Variants in USP47 observed in about 807,000 individuals in gnomAD.
The protein encoded by USP47 is ubiquitin carboxyl-terminal hydrolase 47.
Under a neutral mutation model 165.1 loss-of-function variants are expected in USP47, and 35 were observed. The ratio of observed to expected loss-of-function variants is 0.21; its 90% CI spans 0.16 to 0.28. The LOEUF (loss-of-function observed/expected upper bound fraction) is 0.28. USP47 is among the 10% of genes least tolerant of loss of function. The probability of loss-of-function intolerance (pLI) is 1.00; values close to 1 mark genes in which losing one functional copy is unlikely to be tolerated. For missense variants in USP47, 1,277 were observed against 1,607.4 expected, an observed-to-expected ratio of 0.79 and a Z score of 3.52; for synonymous variants, 531 against 544.5, an observed-to-expected ratio of 0.98 and a Z score of 0.35.
At position 11,956,290 on chromosome 11, in the gene USP47, A is replaced by C. The variant is rs1024918197; in HGVS notation, c.*115A>C. 1.2e-5 allele frequency: 13 copies of C among 1,067,976 alleles called. No individual in the cohort carries two copies. The African/African-American group carries it at 1.9e-4, about 16-fold the overall frequency. 66.2% of individuals were successfully genotyped at this position (1,067,976 alleles called of 1,614,324 possible). ...GTTGGGGTAACCCAGTGACACCAGC[A>C]CTGATTGGACTGCCCTACACCAATC... On this transcript the variant is annotated 3_prime_UTR_variant, in exon 28 of 28. Coordinates refer to ENST00000527733, the MANE Select transcript of USP47 (RefSeq NM_001282659.2).
chr11:11,842,926 G>A (rs1393234214), intron 1 of USP47, among the ~76,000 whole-genome samples: 1 of 149,644 alleles, frequency 6.7e-6, no homozygotes, highest in Non-Finnish European at 1.5e-5. Flanking sequence ...GATACGAGAA[G>A]CCTTGACTAC....
intron 24 of USP47, chr11:11,951,460 A>G (rs747846610): frequency 2.6e-5 from 4 of 152,156 alleles, no homozygotes; most frequent in Admixed American, 6.6e-5. Context: ...TTCGTTATCA[A>G]CATTGGCACA....
chr11:11,933,753 A>C, intron 15 of USP47, 78 bp from the exon 16 acceptor site: 1 of 992,716 alleles, frequency 1.0e-6, no homozygotes, highest in East Asian at 2.5e-5. Context: ...GTATTTTGAC[A>C]ATTAGGAATA....
At chr11:11,947,631 A>G (rs1362688465) in intron 20 of USP47, among the ~76,000 whole-genome samples, 3 of 152,220 alleles carry the variant, frequency 2.0e-5, no homozygotes, top group South Asian at 4.1e-4. Flanking sequence ...CAGAGCTTAC[A>G]CTATTACTGT....
At chr11:11,932,202 A>G (rs1045079459) in intron 14 of USP47, among the ~76,000 whole-genome samples, 1 of 152,132 alleles carries the variant, frequency 6.6e-6, no homozygotes, top group Non-Finnish European at 1.5e-5. Flanking sequence ...GGGGTGCCAC[A>G]CACTTTTAAA....
At chr11:11,869,467 C>G (rs1016273798) in intron 1 of USP47, among the ~76,000 whole-genome samples, 1 of 150,154 alleles carries the variant, frequency 6.7e-6, no homozygotes, top group Non-Finnish European at 1.5e-5. Flanking sequence ...ATCTATTTAT[C>G]TCTCTACAAA....
At chr11:11,925,319 A>G (rs1854157172) in intron 11 of USP47, among the ~76,000 whole-genome samples, 1 of 152,046 alleles carries the variant, frequency 6.6e-6, no homozygotes, top group African/African-American at 2.4e-5. Context: ...CATGTTAGCC[A>G]TGATGGTCTT....
At chr11:11,853,097 AT>A (rs202004869) in intron 1 of USP47, among the ~76,000 whole-genome samples, 3 of 149,406 alleles carry the variant, frequency 2.0e-5, no homozygotes, top group Admixed American at 6.7e-5. Context: ...AGATACTGTA[AT>A]TTTTTTTTTG....
rs374712169 is a variant in USP47, at chr11:11,950,476, C to A, written c.3577C>A (p.Leu1193Ile). The change falls in exon 24 of 28, where the codon CTT (leucine) becomes ATT (isoleucine). Residue 1193 changes from leucine (L) to isoleucine (I), a missense_variant. Around this residue, in one of 4 missense-constraint regions of USP47, gnomAD observed 909 missense variants for 1,068.1 expected, o/e 0.85. Coordinates refer to ENST00000527733, the MANE Select transcript of USP47 (RefSeq NM_001282659.2). Reference sequence around the variant, plus strand: ...CAACTGGGAGGTTTTCCTTGAAGTTCTTGATGGTATTTTCAATATTTTTGG... The same window carrying A: ...CAACTGGGAGGTTTTCCTTGAAGTTATTGATGGTATTTTCAATATTTTTGG... ...SSNWEVFLEV[L>I]DGVEKMKSMS... The A allele has an allele frequency of 6.3e-7, 1 of 1,592,626 alleles. No homozygotes were observed. Among genetic ancestry groups the A allele is most frequent in the South Asian group, 1.1e-5 (1 of 88,208 alleles).
intron 1 of USP47, among the ~76,000 whole-genome samples, chr11:11,864,951 C>T (rs1234468441): frequency 6.6e-6 from 1 of 152,074 alleles, no homozygotes; most frequent in Non-Finnish European, 1.5e-5. Context: ...GCTCTTCTTT[C>T]AGCCCTTGAA....
rs542613698 is a variant in USP47 at position 11,959,522 on chromosome 11, A to G, written c.*3347A>G. 2.9e-3 allele frequency among the ~76,000 whole-genome samples: 440 copies of G among 152,278 alleles called. 3 individuals carry two copies. Among genetic ancestry groups the G allele is most frequent in the Middle Eastern group, 0.01 (3 of 294 alleles). ...TGGCCACCTAGGTTTAGTGTACATGAAATTGGAAGATGCTTCTTGATTGTA... is the reference window on the plus strand; with the variant it reads ...TGGCCACCTAGGTTTAGTGTACATGGAATTGGAAGATGCTTCTTGATTGTA... On this transcript the variant is annotated 3_prime_UTR_variant, in exon 28 of 28. Coordinates refer to ENST00000527733, the MANE Select transcript of USP47 (RefSeq NM_001282659.2).
chr11:11,954,962 T>C lies in USP47; in HGVS notation c.3762+18T>C. On this transcript the variant is annotated intron_variant, in intron 26 of 27. Coordinates refer to ENST00000527733, the MANE Select transcript of USP47 (RefSeq NM_001282659.2). ...TTGCTAAGGTAAAGCCCTGAGAATGTTGCATCTGTGTATTGTGCATGATAA... is the reference window on the plus strand; with the variant it reads ...TTGCTAAGGTAAAGCCCTGAGAATGCTGCATCTGTGTATTGTGCATGATAA... The C allele has an allele frequency of 1.2e-6, 2 of 1,613,926 alleles. No homozygotes were observed. The highest frequency in any genetic ancestry group is 8.5e-7 in the Non-Finnish European group (1 of 1,179,952).
At chr11:11,867,556 T>C (rs549104847) in intron 1 of USP47, among the ~76,000 whole-genome samples, 2 of 152,318 alleles carry the variant, frequency 1.3e-5, no homozygotes, top group African/African-American at 4.8e-5. Flanking sequence ...AGACTCAATT[T>C]TGAACCACTT....
At chr11:11,943,179 T>A in intron 20 of USP47, 67 bp downstream of exon 20, 3 of 1,508,496 alleles carry the variant, frequency 2.0e-6, no homozygotes, top group Non-Finnish European at 2.7e-6. Context: ...TATTTAAATT[T>A]TCAGTTAAGT....
chr11:11,889,961 C>CT (rs1851408304), intron 3 of USP47, among the ~76,000 whole-genome samples: 1 of 152,132 alleles, frequency 6.6e-6, no homozygotes, highest in African/African-American at 2.4e-5. Context: ...AAAGGATTCT[C>CT]TATTTAATAA....
rs1229407042 is a variant in USP47, at chr11:11,880,401, T to C, written c.243+21T>C. The C allele has an allele frequency of 3.9e-6, 5 of 1,270,346 alleles. No homozygotes were observed. In the Admixed American group the frequency reaches 2.0e-4, roughly 51 times the overall value. 78.7% of individuals were successfully genotyped at this position (1,270,346 alleles called of 1,614,324 possible). ...ATATGGTAAAATCCTAGACTTAAGC[T>C]TCTAAAAATGTTATTATAGCCATTG... On this transcript the variant is annotated intron_variant, in intron 2 of 27. Coordinates refer to ENST00000527733, the MANE Select transcript of USP47 (RefSeq NM_001282659.2).
chr11:11,942,315 A>C lies in USP47; in HGVS notation c.2314-20A>C. ...TGTCACTAAAATTAATATATAATAA[A>C]ACTCTGACTTACTATGTAGGTGTTT... On this transcript the variant is annotated intron_variant, in intron 19 of 27. Transcript: ENST00000527733. The C allele has an allele frequency of 6.5e-7, 1 of 1,546,052 alleles. No individual in the cohort carries two copies. The highest frequency in any genetic ancestry group is 1.4e-5 in the African/African-American group (1 of 72,112).
At chr11:11,875,975 A>T (rs1406148682) in intron 1 of USP47, among the ~76,000 whole-genome samples, 2 of 152,220 alleles carry the variant, frequency 1.3e-5, no homozygotes, top group African/African-American at 4.8e-5. Flanking sequence ...TCTGCAATGA[A>T]TGTAGCCACA....
chr11:11,935,165 A>G (rs747424683), intron 16 of USP47, among the ~76,000 whole-genome samples: 48 of 152,228 alleles, frequency 3.2e-4, no homozygotes, highest in Non-Finnish European at 6.8e-4. Flanking sequence ...CATAGCACTT[A>G]TCAGTATTGA....
Sources: allele counts gnomAD v4.1 joint callset (sites outside exome capture counted in the v4.1 genomes callset), GRCh38; gene constraint gnomAD v4.1.1; regional missense constraint gnomAD v4.1.1; transcripts MANE v1.5; gene names NCBI Gene and HGNC (gene_info 2026-07-23, HGNC 2026-07-21).